The following ZPBP variants were observed in gnomAD, a reference collection of about 807,000 sequenced individuals.
ZPBP encodes the protein zona pellucida binding protein.
In ZPBP, 26 loss-of-function variants were observed where a neutral mutation model predicts 44.8. The observed-to-expected ratio is 0.58, with a 90% CI of 0.43 to 0.81. ZPBP has a LOEUF of 0.81. Among genes scored for constraint, ZPBP ranks in the 30% least tolerant of loss-of-function variants. The probability of loss-of-function intolerance (pLI) is 0.00; values close to 1 mark genes in which losing one functional copy is unlikely to be tolerated. For missense variants in ZPBP, 409 were observed against 434.0 expected (o/e 0.94, Z 0.51); for synonymous variants, 174 against 153.2 (o/e 1.14, Z -1.00).
At chr7:49,868,087 G>T (rs1790989736) in intron 2 of ZPBP, among the ~76,000 whole-genome samples, 1 of 152,046 alleles carries the variant, frequency 6.6e-6, no homozygotes, top group Non-Finnish European at 1.5e-5. Context: ...ACCCACCTCG[G>T]CCTCCCAAAG....
intron 2 of ZPBP, among the ~76,000 whole-genome samples, chr7:49,878,788 C>A (rs1024858839): frequency 6.6e-6 from 1 of 152,160 alleles, no homozygotes; most frequent in Non-Finnish European, 1.5e-5. Flanking sequence ...CAGGTGTGGG[C>A]AACCATGCCT....
intron 2 of ZPBP, among the ~76,000 whole-genome samples, chr7:49,887,416 T>C (rs942747772): frequency 3.9e-5 from 6 of 152,260 alleles, no homozygotes; most frequent in Non-Finnish European, 8.8e-5. Flanking sequence ...GACATCACTT[T>C]GGACTGATTT....
intron 6 of ZPBP, among the ~76,000 whole-genome samples, chr7:49,996,417 A>AT (rs1797848875): frequency 6.6e-6 from 1 of 152,194 alleles, no homozygotes; most frequent in East Asian, 1.9e-4. Context: ...GGAGGGCCAC[A>AT]GGGACATTTT....
the ZPBP span, among the ~76,000 whole-genome samples, chr7:49,841,844 C>T: frequency 1.3e-5 from 2 of 152,000 alleles, no homozygotes; most frequent in Admixed American, 1.3e-4. Context: ...AAAATAACTC[C>T]TAGGAGGAGA....
intron 4 of ZPBP, among the ~76,000 whole-genome samples, chr7:50,045,161 G>C (rs6949026): frequency 0.5 from 75,558 of 151,946 alleles, 19,529 homozygotes; most frequent in East Asian, 0.67. Flanking sequence ...AAAATAATAA[G>C]AGCTATTTAT....
chr7:49,940,802 CT>C, intron 7 of ZPBP: 1 of 985,322 alleles, frequency 1.0e-6, no homozygotes, highest in South Asian at 4.7e-5. Context: ...TTATGACCTT[CT>C]GACCTGTATG....
chr7:50,040,415 C>A (rs748414599), intron 4 of ZPBP, among the ~76,000 whole-genome samples: 2 of 152,158 alleles, frequency 1.3e-5, no homozygotes, highest in African/African-American at 2.4e-5. Context: ...CAGTTCCCAG[C>A]GAGATCAACG....
chr7:49,994,282 G>C (rs1010892536), intron 6 of ZPBP, among the ~76,000 whole-genome samples: 41 of 152,158 alleles, frequency 2.7e-4, no homozygotes, highest in African/African-American at 9.7e-4. Flanking sequence ...ATATTGTTGA[G>C]AACCATCTGT....
At chr7:50,081,950 T>C (rs775951607) in intron 2 of ZPBP, 51 bp from the exon 3 acceptor site, 10 of 1,589,718 alleles carry the variant, frequency 6.3e-6, no homozygotes, top group Middle Eastern at 2.1e-4. Context: ...CTTCTTTTCT[T>C]TCTCTATAAT....
In ZPBP at chr7:50,011,879, G is replaced by A. The variant is rs150487199; in HGVS notation, c.783+6361C>T. ...AGCCTGACCAACGTGGTAAAACCCC[G>A]TCTCTACTAAAAATACAAAAATTGG... On this transcript the variant is annotated intron_variant, in intron 6 of 7. Transcript: ENST00000046087. 6.5e-3 allele frequency among the ~76,000 whole-genome samples: 992 copies of A among 151,858 alleles called. 8 individuals carry two copies. The highest frequency in any genetic ancestry group is 0.023 in the African/African-American group (945 of 41,426).
At chr7:49,876,121 C>T (rs1791406251) in intron 2 of ZPBP, among the ~76,000 whole-genome samples, 4 of 152,044 alleles carry the variant, frequency 2.6e-5, no homozygotes, top group Admixed American at 2.6e-4. Flanking sequence ...AGAAAGGATC[C>T]AAAATACAGA....
intron 6 of ZPBP, among the ~76,000 whole-genome samples, chr7:50,004,239 TTTTTTTTTCTTC>T (rs1179692175): frequency 6.6e-6 from 1 of 151,260 alleles, no homozygotes; most frequent in Non-Finnish European, 1.5e-5. Context: ...CTAGCTCTCT[TTTTTTTTTCTTC>T]CCATGCCAGA....
chr7:50,043,351 A>T (rs1800188689), intron 4 of ZPBP, among the ~76,000 whole-genome samples: 1 of 152,106 alleles, frequency 6.6e-6, no homozygotes, highest in Non-Finnish European at 1.5e-5. Context: ...TGTGTCTTTA[A>T]TTCCTCTAGC....
chr7:50,087,914 C>T (rs886599550), intron 2 of ZPBP, among the ~76,000 whole-genome samples: 1 of 151,802 alleles, frequency 6.6e-6, no homozygotes, highest in Non-Finnish European at 1.5e-5. Context: ...GACTTTTTTG[C>T]AGAAATTGAC....
At chr7:49,891,678 C>G (rs1203684560) in intron 2 of ZPBP, among the ~76,000 whole-genome samples, 4 of 152,162 alleles carry the variant, frequency 2.6e-5, no homozygotes, top group African/African-American at 9.7e-5. Context: ...TATACTGATT[C>G]TGATGTAATC....
At chr7:49,890,328 T>G (rs1792074793) in intron 2 of ZPBP, among the ~76,000 whole-genome samples, 1 of 152,242 alleles carries the variant, frequency 6.6e-6, no homozygotes, top group Admixed American at 6.5e-5. Context: ...GTATTTAATT[T>G]CTAATGGTAG....
chr7:50,000,756 G>T lies in ZPBP; in HGVS notation c.784-17237C>A, dbSNP rs543872032. ...AAGAAAAATAAAAAACCTATAAATT[G>T]TTCTTTATATTTTGATGACCCAAGC... On this transcript the variant is annotated intron_variant, in intron 6 of 7. Coordinates refer to ENST00000046087, the MANE Select transcript of ZPBP (RefSeq NM_007009.3). Among the ~76,000 whole-genome samples the T allele has an allele frequency of 4.6e-5, 7 of 152,156 alleles. 1 individual carries two copies. The South Asian group carries it at 1.0e-3, about 23-fold the overall frequency.
Position 50,069,341 on chromosome 7 carries a change from G to C in ZPBP, c.335-11200C>G, listed in dbSNP as rs962904870. 2.6e-5 allele frequency among the ~76,000 whole-genome samples: 4 copies of C among 152,180 alleles called. No homozygotes were observed. The East Asian group carries it at 5.8e-4, about 22-fold the overall frequency. On this transcript the variant is annotated intron_variant, in intron 3 of 7. Transcript: ENST00000046087. The stretch of plus-strand genomic sequence containing the variant: ...TTTTTACTTTCACTATTGGCTTGGC[G>C]GTGCTACAAGCCTCTGTGACTTTCC...
chr7:49,877,237 C>T (rs1232290456), intron 2 of ZPBP, among the ~76,000 whole-genome samples: 1 of 150,998 alleles, frequency 6.6e-6, no homozygotes, highest in Non-Finnish European at 1.5e-5. Flanking sequence ...CGAAGCAGGT[C>T]GATCACCTGA....
Sources: gnomAD v4.1 joint callset for allele counts (sites outside exome capture counted in the v4.1 genomes callset) on GRCh38, gnomAD v4.1.1 for gene constraint, MANE v1.5 for transcripts, NCBI Gene and HGNC (gene_info 2026-07-23, HGNC 2026-07-21) for gene names.